TULP4: variants seen among roughly 807,000 people sequenced by gnomAD.
TULP4 encodes TUB like protein 4.
Under a neutral mutation model 129.0 loss-of-function variants are expected in TULP4, and 16 were observed. The observed-to-expected ratio is 0.12, with a 90% confidence interval of 0.08 to 0.19. The LOEUF is 0.19. TULP4 is among the 10% of genes least tolerant of loss of function. The pLI, the probability that TULP4 is intolerant of heterozygous loss-of-function variation, is 1.00. For missense variants in TULP4, 1,842 were observed against 2,059.1 expected, an observed-to-expected ratio of 0.89 and a Z score of 2.04; for synonymous variants, 998 against 854.0, an observed-to-expected ratio of 1.17 and a Z score of -2.94.
upstream of TULP4, chr6:158,311,940 G>A (rs1409307449): frequency 5.1e-6 from 2 of 392,332 alleles, no homozygotes; most frequent in Non-Finnish European, 9.0e-6. Context: ...TCCATTTGAT[G>A]TAAGTGTAAA....
chr6:158,365,895 C>CTTTTT (rs1780938521), intron 1 of TULP4, among the ~76,000 whole-genome samples: 13 of 78,284 alleles, frequency 1.7e-4, no homozygotes, highest in Admixed American at 4.4e-4. Context: ...TTTTCTTTTT[C>CTTTTT]TTTCTTTTTT....
Position 158,413,302 on chromosome 6 carries a change from G to C in TULP4, c.381+109G>C, listed in dbSNP as rs1283552082. ...ACCACACAGCGCCACGTGCTCCAGA[G>C]CTGGGGGAAGAGAAATCAATCAAAT... is the stretch of plus-strand genomic sequence containing the variant. On this transcript the variant is annotated intron_variant, in intron 2 of 13. Transcript: ENST00000367097. This position sits in a 1 kb window ranked among gnomAD's most constrained non-coding sequence, Gnocchi z 4.9. 1.6e-6 allele frequency: 2 copies of C among 1,260,908 alleles called. No individual in the cohort carries two copies. Among genetic ancestry groups the C allele is most frequent in the Non-Finnish European group, 2.1e-6 (2 of 944,892 alleles). The allele number at this position is 1,260,908 out of a possible 1,614,324, so 78.1% of individuals were successfully genotyped here.
At chr6:158,295,415 G>T (rs1182083584) in intron 1 of TULP4, among the ~76,000 whole-genome samples, 2 of 151,912 alleles carry the variant, frequency 1.3e-5, no homozygotes, top group Non-Finnish European at 2.9e-5. Flanking sequence ...GATGCCTAAT[G>T]TAGTTCACAG....
At chr6:158,380,280 C>G (rs892463287) in intron 1 of TULP4, among the ~76,000 whole-genome samples, 1 of 152,160 alleles carries the variant, frequency 6.6e-6, no homozygotes, top group Non-Finnish European at 1.5e-5. Flanking sequence ...AGCCCCTTGC[C>G]GGCATCCAAA....
intron 1 of TULP4, among the ~76,000 whole-genome samples, chr6:158,323,503 G>C (rs1018672424): frequency 6.7e-6 from 1 of 150,186 alleles, no homozygotes; most frequent in African/African-American, 2.5e-5. Flanking sequence ...CAACGTTTCT[G>C]TTCATGTGAG....
intron 3 of TULP4, among the ~76,000 whole-genome samples, chr6:158,439,385 G>A (rs763907157): frequency 7.2e-5 from 11 of 151,940 alleles, no homozygotes; most frequent in Non-Finnish European, 1.2e-4. Context: ...CTCAACAACT[G>A]CCCTCCCAGA....
At chr6:158,331,698 CA>C (rs1779883046) in intron 1 of TULP4, among the ~76,000 whole-genome samples, 1 of 19,950 alleles carries the variant, frequency 5.0e-5, no homozygotes, top group Non-Finnish European at 1.4e-4. Flanking sequence ...GACACACACA[CA>C]CACACACACA....
upstream of TULP4, among the ~76,000 whole-genome samples, chr6:158,311,851 C>T (rs915906521): frequency 6.6e-6 from 1 of 152,120 alleles, no homozygotes; most frequent in Non-Finnish European, 1.5e-5. Context: ...GCAGAACTCT[C>T]ATTTGTTGTG....
At chr6:158,248,141 C>T (rs1778061298) in intron 1 of TULP4, among the ~76,000 whole-genome samples, 1 of 152,240 alleles carries the variant, frequency 6.6e-6, no homozygotes, top group East Asian at 1.9e-4. Context: ...TTAGAGAATG[C>T]CATTAAAATG....
intron 5 of TULP4, among the ~76,000 whole-genome samples, chr6:158,455,822 G>A (rs998114330): frequency 1.3e-5 from 2 of 152,136 alleles, no homozygotes; most frequent in African/African-American, 4.8e-5. Context: ...AAATGAGCTG[G>A]TGCCATCAAG....
At chr6:158,324,356 T>C (rs1403836268) in intron 1 of TULP4, among the ~76,000 whole-genome samples, 1 of 152,204 alleles carries the variant, frequency 6.6e-6, no homozygotes, top group Non-Finnish European at 1.5e-5. Context: ...GGGTGGCAGA[T>C]GTTGTACTGT....
At chr6:158,249,089 CAAAAAAAA>C (rs3884262) in intron 1 of TULP4, among the ~76,000 whole-genome samples, 4 of 106,542 alleles carry the variant, frequency 3.8e-5, no homozygotes, top group Non-Finnish European at 1.9e-5. Context: ...GACCCTGTCT[CAAAAAAAA>C]AAAAAAAAGA....
intron 2 of TULP4, chr6:158,427,972 T>A (rs773992180): frequency 7.1e-6 from 1 of 140,670 alleles, no homozygotes; most frequent in Non-Finnish European, 1.7e-5. Flanking sequence ...ATACAAAAAT[T>A]AGCTGGGTGT....
chr6:158,268,945 A>C (rs934703592), intron 1 of TULP4, among the ~76,000 whole-genome samples: 1 of 152,160 alleles, frequency 6.6e-6, no homozygotes, highest in Non-Finnish European at 1.5e-5. Flanking sequence ...CACTTTCTGC[A>C]TATTGCCAAA....
At chr6:158,475,813 C>T (rs185247535) in intron 6 of TULP4, among the ~76,000 whole-genome samples, 27 of 152,352 alleles carry the variant, frequency 1.8e-4, no homozygotes, top group Admixed American at 1.7e-3. Flanking sequence ...CGCCATTTGA[C>T]TCTTGTTCTT....
intron 1 of TULP4, among the ~76,000 whole-genome samples, chr6:158,365,889 C>CT (rs1780937342): frequency 4.7e-5 from 4 of 84,544 alleles, no homozygotes; most frequent in Non-Finnish European, 7.2e-5. Context: ...TTTTTTTTTT[C>CT]TTTTTCTTTC....
At chr6:158,464,918 T>A (rs1779521453) in intron 6 of TULP4, among the ~76,000 whole-genome samples, 1 of 152,234 alleles carries the variant, frequency 6.6e-6, no homozygotes, top group South Asian at 2.1e-4. Flanking sequence ...GTTTTGCCAT[T>A]TGCAGGTTTT....
chr6:158,265,326 T>G (rs1172544575), intron 1 of TULP4, among the ~76,000 whole-genome samples: 1 of 152,186 alleles, frequency 6.6e-6, no homozygotes, highest in African/African-American at 2.4e-5. Context: ...CTTTACTTAC[T>G]TGCTTATTTA....
intron 1 of TULP4, among the ~76,000 whole-genome samples, chr6:158,246,754 A>AT (rs1266371568): frequency 1.3e-5 from 2 of 152,114 alleles, no homozygotes; most frequent in Non-Finnish European, 2.9e-5. Flanking sequence ...AGAATCAGTT[A>AT]TTTTTTCTAA....
Sources: allele counts gnomAD v4.1 joint callset (sites outside exome capture counted in the v4.1 genomes callset), GRCh38; gene constraint gnomAD v4.1.1; non-coding constraint Gnocchi (gnomAD v3.1); transcripts MANE v1.5; gene names NCBI Gene and HGNC (gene_info 2026-07-23, HGNC 2026-07-21).